MSH3: variants seen among roughly 807,000 people sequenced by gnomAD.
MSH3 encodes mutS homolog 3.
Under a neutral mutation model 123.3 loss-of-function variants are expected in MSH3, and 106 were observed. That is an observed-to-expected ratio of 0.86 (90% CI 0.73 to 1.01). The LOEUF is 1.01. Ranked by LOEUF, MSH3 falls within the 50% of genes least tolerant of loss-of-function variation. The pLI is 0.00. For missense variants in MSH3, 1,459 were observed against 1,347.6 expected, an observed-to-expected ratio of 1.08 and a Z score of -1.29; for synonymous variants, 515 against 481.4, an observed-to-expected ratio of 1.07 and a Z score of -0.91.
chr5:80,874,221 G>T (rs1417487011), intron 23 of MSH3, among the ~76,000 whole-genome samples: 2 of 152,094 alleles, frequency 1.3e-5, no homozygotes, highest in South Asian at 2.1e-4. Context: ...ACTAGCTAAA[G>T]AAACAGTTGC....
chr5:80,809,255 A>G (rs892740531), intron 19 of MSH3, among the ~76,000 whole-genome samples: 1 of 152,122 alleles, frequency 6.6e-6, no homozygotes, highest in Non-Finnish European at 1.5e-5. Context: ...TATTTAGCCA[A>G]TGGCTAAGCC....
intron 7 of MSH3, among the ~76,000 whole-genome samples, chr5:80,677,924 A>G (rs374391280): frequency 2.0e-5 from 3 of 152,316 alleles, no homozygotes; most frequent in Middle Eastern, 3.4e-3. Flanking sequence ...ACAGTTGTAC[A>G]GAGAATGCTG....
intron 20 of MSH3, among the ~76,000 whole-genome samples, chr5:80,822,039 A>G (rs983820362): frequency 2.0e-5 from 3 of 152,234 alleles, no homozygotes; most frequent in Non-Finnish European, 4.4e-5. Flanking sequence ...TGATAGGTCA[A>G]TAGGATTCTC....
chr5:80,729,548 T>A (rs1335004888), intron 10 of MSH3, among the ~76,000 whole-genome samples: 2 of 150,650 alleles, frequency 1.3e-5, no homozygotes, highest in African/African-American at 4.9e-5. Context: ...ACTACAAAAC[T>A]GTGCTTTATA....
intron 21 of MSH3, among the ~76,000 whole-genome samples, chr5:80,860,585 A>AT (rs925270896): frequency 3.0e-4 from 42 of 142,238 alleles, no homozygotes; most frequent in East Asian, 8.3e-4. Context: ...TTACTTCAGT[A>AT]TTTTTTTTTT....
At chr5:80,859,256 G>A (rs954470233) in intron 21 of MSH3, among the ~76,000 whole-genome samples, 1 of 152,090 alleles carries the variant, frequency 6.6e-6, no homozygotes, top group Admixed American at 6.6e-5. Flanking sequence ...GAGTAGCTGG[G>A]ATTACAAGTG....
chr5:80,793,833 A>T (rs1303635912), intron 19 of MSH3, among the ~76,000 whole-genome samples: 1 of 152,230 alleles, frequency 6.6e-6, no homozygotes, highest in Non-Finnish European at 1.5e-5. Flanking sequence ...TAGTGAAGTT[A>T]TGGCAGGGTG....
chr5:80,759,862 A>G (rs1022741315), intron 12 of MSH3, among the ~76,000 whole-genome samples: 4 of 152,192 alleles, frequency 2.6e-5, no homozygotes, highest in Non-Finnish European at 5.9e-5. Flanking sequence ...GTGTGTGTAC[A>G]AAGCTCTGTC....
Position 80,666,241 on chromosome 5 carries a change from C to A in MSH3, c.579+878C>A, listed in dbSNP as rs141245780. ...TTTAATCTGTAGCTGTGATTGACAACCATTGAATTAGAGAAATGGTTCTAT... is the reference window on the plus strand; with the variant it reads ...TTTAATCTGTAGCTGTGATTGACAAACATTGAATTAGAGAAATGGTTCTAT... On this transcript the variant is annotated intron_variant, in intron 3 of 23. Transcript: ENST00000265081. Among the ~76,000 whole-genome samples, 3 of 152,102 alleles carry A rather than the reference C, an allele frequency of 2.0e-5. No homozygotes were observed. In the East Asian group the frequency reaches 5.8e-4, roughly 29 times the overall value.
chr5:80,810,357 T>C (rs1468641162), intron 19 of MSH3, among the ~76,000 whole-genome samples: 2 of 114,048 alleles, frequency 1.8e-5, no homozygotes, highest in African/African-American at 6.4e-5. Context: ...TCTCTATTTT[T>C]GTCAGTTATG....
intron 13 of MSH3, among the ~76,000 whole-genome samples, chr5:80,762,977 G>T (rs1194997357): frequency 2.0e-5 from 3 of 151,588 alleles, no homozygotes; most frequent in African/African-American, 7.3e-5. Context: ...CTCCTGAGTA[G>T]CTGGGGTTAC....
intron 12 of MSH3, among the ~76,000 whole-genome samples, chr5:80,747,308 T>G (rs944113030): frequency 6.6e-6 from 1 of 152,132 alleles, no homozygotes; most frequent in African/African-American, 2.4e-5. Flanking sequence ...AGGATTAATT[T>G]GAGATAAATC....
intron 16 of MSH3, among the ~76,000 whole-genome samples, chr5:80,778,382 T>C (rs896884464): frequency 6.6e-6 from 1 of 152,234 alleles, no homozygotes; most frequent in African/African-American, 2.4e-5. Flanking sequence ...CTTTGTCTTA[T>C]TTTCTTTTAC....
intron 8 of MSH3, among the ~76,000 whole-genome samples, chr5:80,701,463 TA>T (rs1385678238): frequency 6.6e-6 from 1 of 152,236 alleles, no homozygotes; most frequent in Non-Finnish European, 1.5e-5. Flanking sequence ...GTTCACCTGC[TA>T]TCATTAAGGT....
intron 17 of MSH3, among the ~76,000 whole-genome samples, chr5:80,782,611 C>T (rs1744430764): frequency 1.3e-5 from 2 of 152,060 alleles, no homozygotes. Context: ...TCAGAAGTTC[C>T]TATAATGTAC....
intron 7 of MSH3, 87 bp from the exon 8 acceptor site, chr5:80,678,840 T>A: frequency 6.8e-7 from 1 of 1,465,590 alleles, no homozygotes; most frequent in South Asian, 1.1e-5. Context: ...GTGTATCATC[T>A]TTACTTTTTC....
intron 2 of MSH3, among the ~76,000 whole-genome samples, chr5:80,658,431 C>G (rs1289963057): frequency 1.3e-5 from 2 of 152,166 alleles, no homozygotes; most frequent in African/African-American, 4.8e-5. Context: ...AGTTAAGTAA[C>G]TTAACTAAGA....
chr5:80,798,306 T>C (rs1353544417), intron 19 of MSH3, among the ~76,000 whole-genome samples: 2 of 152,116 alleles, frequency 1.3e-5, no homozygotes, highest in African/African-American at 4.8e-5. Context: ...CCGCATGTGG[T>C]ATGGAATGGG....
chr5:80,723,300 A>G (rs1751126682), intron 8 of MSH3, among the ~76,000 whole-genome samples: 1 of 152,108 alleles, frequency 6.6e-6, no homozygotes, highest in African/African-American at 2.4e-5. Flanking sequence ...TGTGGTCGTG[A>G]TACAGAGATA....
Sources: allele counts gnomAD v4.1 joint callset (sites outside exome capture counted in the v4.1 genomes callset), GRCh38; gene constraint gnomAD v4.1.1; transcripts MANE v1.5; gene names NCBI Gene and HGNC (gene_info 2026-07-23, HGNC 2026-07-21).